SDK1: variants seen among roughly 807,000 people sequenced by gnomAD.
SDK1 encodes the protein protein sidekick-1.
SDK1 carries 157 observed loss-of-function variants against 245.5 expected under a neutral mutation model. The ratio of observed to expected loss-of-function variants is 0.64; its 90% confidence interval spans 0.56 to 0.73. The LOEUF (loss-of-function observed/expected upper bound fraction) is 0.73, where lower values mean the gene tolerates loss of function less well. Among genes scored for constraint, SDK1 ranks in the 30% least tolerant of loss-of-function variants. SDK1 has a pLI of 0.00. For missense variants in SDK1, 3,583 were observed against 3,002.3 expected, an observed-to-expected ratio of 1.19 and a Z score of -4.52; for synonymous variants, 1,647 against 1,278.5, an observed-to-expected ratio of 1.29 and a Z score of -6.15.
At chr7:3,812,297 T>C (rs992736649) in intron 4 of SDK1, among the ~76,000 whole-genome samples, 2 of 152,208 alleles carry the variant, frequency 1.3e-5, no homozygotes, top group Admixed American at 1.3e-4. Context: ...TTAACACACA[T>C]TTATCGACTA....
At chr7:3,584,976 G>T (rs532508102) in intron 1 of SDK1, among the ~76,000 whole-genome samples, 1 of 151,966 alleles carries the variant, frequency 6.6e-6, no homozygotes, top group Non-Finnish European at 1.5e-5. Flanking sequence ...TGCCCTCCTC[G>T]GCCTCCCAAA....
intron 1 of SDK1, among the ~76,000 whole-genome samples, chr7:3,456,695 C>T (rs1780679450): frequency 6.6e-6 from 1 of 152,008 alleles, no homozygotes; most frequent in Non-Finnish European, 1.5e-5. Context: ...TATGTCTCTT[C>T]TTGGTGCTGG....
chr7:3,415,389 TTATATC>T (rs1462059626), intron 1 of SDK1, among the ~76,000 whole-genome samples: 6 of 151,992 alleles, frequency 3.9e-5, no homozygotes, highest in African/African-American at 1.5e-4. Flanking sequence ...TGTAGAGAAG[TTATATC>T]TATATGTAAT....
At chr7:3,996,726 C>T (rs536656139) in intron 14 of SDK1, among the ~76,000 whole-genome samples, 1 of 152,284 alleles carries the variant, frequency 6.6e-6, no homozygotes, top group African/African-American at 2.4e-5. Context: ...TTTTATTATT[C>T]TAACGACTTT....
chr7:3,497,062 C>T (rs187837424), intron 1 of SDK1, among the ~76,000 whole-genome samples: 1 of 152,128 alleles, frequency 6.6e-6, no homozygotes, highest in Non-Finnish European at 1.5e-5. Context: ...AAATACGTGA[C>T]AGTTAAAATT....
At chr7:3,461,139 C>G (rs148092349) in intron 1 of SDK1, among the ~76,000 whole-genome samples, 1 of 152,248 alleles carries the variant, frequency 6.6e-6, no homozygotes, top group African/African-American at 2.4e-5. Flanking sequence ...GGAGAGCAAT[C>G]TAGCAATCCC....
At chr7:3,558,416 G>A (rs1779653791) in intron 1 of SDK1, among the ~76,000 whole-genome samples, 1 of 152,196 alleles carries the variant, frequency 6.6e-6, no homozygotes, top group South Asian at 2.1e-4. Flanking sequence ...GACCAGTCCT[G>A]CAGTCTGAAG....
intron 4 of SDK1, among the ~76,000 whole-genome samples, chr7:3,682,450 T>C (rs1040126145): frequency 3.0e-4 from 4 of 13,244 alleles, no homozygotes; most frequent in Non-Finnish European, 7.8e-4. Flanking sequence ...CGTCCTGGTA[T>C]CTGGAACAAA....
intron 16 of SDK1, among the ~76,000 whole-genome samples, chr7:4,014,475 A>G (rs1485140397): frequency 6.6e-6 from 1 of 152,202 alleles, no homozygotes; most frequent in African/African-American, 2.4e-5. Context: ...AATTTGCTTA[A>G]AAACATTTCC....
At chr7:4,122,195 C>T (rs1333801858) in intron 25 of SDK1, among the ~76,000 whole-genome samples, 1 of 152,172 alleles carries the variant, frequency 6.6e-6, no homozygotes, top group African/African-American at 2.4e-5. Context: ...TGGGAATCTC[C>T]CCACCTCTGA....
intron 1 of SDK1, among the ~76,000 whole-genome samples, chr7:3,343,002 G>GAAAAAAAAAA (rs59587479): frequency 2.2e-5 from 3 of 137,996 alleles, no homozygotes; most frequent in Non-Finnish European, 3.1e-5. Context: ...CTAAATGGCT[G>GAAAAAAAAAA]AAAAAAAAAA....
intron 38 of SDK1, among the ~76,000 whole-genome samples, chr7:4,215,793 A>G (rs962534915): frequency 3.9e-5 from 6 of 152,114 alleles, no homozygotes; most frequent in African/African-American, 1.4e-4. Flanking sequence ...TTCTTAGACA[A>G]TAGTCAGAGT....
At chr7:3,998,341 A>T (rs1193107155) in intron 14 of SDK1, among the ~76,000 whole-genome samples, 1 of 152,276 alleles carries the variant, frequency 6.6e-6, no homozygotes, top group East Asian at 1.9e-4. Flanking sequence ...GGCTGCTGTC[A>T]TCAAAAGGAA....
At chr7:3,579,072 C>T (rs1220540893) in intron 1 of SDK1, among the ~76,000 whole-genome samples, 1 of 151,854 alleles carries the variant, frequency 6.6e-6, no homozygotes, top group Non-Finnish European at 1.5e-5. Flanking sequence ...ATTTGGTGTC[C>T]CTGACTTCCT....
intron 4 of SDK1, among the ~76,000 whole-genome samples, chr7:3,753,153 C>T (rs1021272711): frequency 6.6e-6 from 1 of 152,086 alleles, no homozygotes; most frequent in African/African-American, 2.4e-5. Context: ...CAGGAATGGT[C>T]ATTAATAAGC....
chr7:4,139,727 G>A (rs1285731057), intron 28 of SDK1, among the ~76,000 whole-genome samples: 335 of 142,178 alleles, frequency 2.4e-3, no homozygotes, highest in African/African-American at 8.7e-3. Context: ...GTGTATGTGT[G>A]TGTGTGTGTA....
At chr7:3,676,489 C>T (rs1025936009) in intron 4 of SDK1, among the ~76,000 whole-genome samples, 4 of 152,088 alleles carry the variant, frequency 2.6e-5, no homozygotes, top group Non-Finnish European at 5.9e-5. Context: ...CCACGCCCAG[C>T]TAATTTTTTA....
chr7:3,569,727 T>G (rs75164634), intron 1 of SDK1, among the ~76,000 whole-genome samples: 1 of 152,128 alleles, frequency 6.6e-6, no homozygotes, highest in African/African-American at 2.4e-5. Flanking sequence ...TTGGTATGGA[T>G]TTTTTTTAAG....
chr7:3,489,937 A>G (rs1010868722), intron 1 of SDK1, among the ~76,000 whole-genome samples: 2 of 152,218 alleles, frequency 1.3e-5, no homozygotes, highest in Admixed American at 6.5e-5. Context: ...TACACATAAA[A>G]TAGTCAAAGG....
Sources: allele counts gnomAD v4.1 joint callset (sites outside exome capture counted in the v4.1 genomes callset), GRCh38; gene constraint gnomAD v4.1.1; transcripts MANE v1.5; gene names NCBI Gene and HGNC (gene_info 2026-07-23, HGNC 2026-07-21).